Variants in DIS3L2 observed in about 807,000 individuals in gnomAD.
The protein encoded by DIS3L2 is DIS3 like 3'-5' exoribonuclease 2.
DIS3L2 carries 34 observed loss-of-function variants against 97.5 expected under a neutral mutation model. The ratio of observed to expected loss-of-function variants is 0.35; its 90% CI spans 0.27 to 0.46. The LOEUF (loss-of-function observed/expected upper bound fraction) is 0.46, where lower values mean the gene tolerates loss of function less well. DIS3L2 is among the 20% of genes least tolerant of loss of function. The pLI, the probability that DIS3L2 is intolerant of heterozygous loss-of-function variation, is 1.00. For missense variants in DIS3L2, 1,038 were observed against 1,146.0 expected, an observed-to-expected ratio of 0.91 and a Z score of 1.36; for synonymous variants, 435 against 445.2, an observed-to-expected ratio of 0.98 and a Z score of 0.29.
intron 9 of DIS3L2, among the ~76,000 whole-genome samples, chr2:232,188,920 A>C (rs1228062315): frequency 3.3e-5 from 5 of 152,268 alleles, no homozygotes; most frequent in Non-Finnish European, 7.3e-5. Flanking sequence ...GACAGAAGAC[A>C]TACACTGAAG....
chr2:232,267,048 C>T (rs1381523228), intron 13 of DIS3L2, among the ~76,000 whole-genome samples: 1 of 152,134 alleles, frequency 6.6e-6, no homozygotes, highest in African/African-American at 2.4e-5. Context: ...GAAGTCATAG[C>T]CTCAGAACTG....
intron 1 of DIS3L2, among the ~76,000 whole-genome samples, chr2:231,964,095 C>G (rs573718522): frequency 6.6e-6 from 1 of 152,272 alleles, no homozygotes; most frequent in Middle Eastern, 3.4e-3. Context: ...CTGCATGTGG[C>G]TAGTTAGTTA....
At chr2:232,158,895 T>C (rs1690574259) in intron 8 of DIS3L2, among the ~76,000 whole-genome samples, 1 of 152,204 alleles carries the variant, frequency 6.6e-6, no homozygotes, top group African/African-American at 2.4e-5. Flanking sequence ...CAGAATAAAG[T>C]TGTCTTTAAC....
intron 14 of DIS3L2, among the ~76,000 whole-genome samples, chr2:232,304,055 C>T (rs11683544): frequency 6.6e-6 from 1 of 152,074 alleles, no homozygotes; most frequent in African/African-American, 2.4e-5. Context: ...AGCTCTCCAC[C>T]CTGAATTATT....
chr2:232,104,136 G>T (rs3100591), intron 6 of DIS3L2, among the ~76,000 whole-genome samples: 3 of 152,162 alleles, frequency 2.0e-5, no homozygotes, highest in Non-Finnish European at 2.9e-5. Context: ...TATGGTAAAT[G>T]TGAGATGGTC....
At chr2:232,211,611 C>A (rs915418725) in intron 10 of DIS3L2, among the ~76,000 whole-genome samples, 1 of 152,196 alleles carries the variant, frequency 6.6e-6, no homozygotes, top group African/African-American at 2.4e-5. Flanking sequence ...GGACATCCAC[C>A]CTTGCAGTTT....
intron 7 of DIS3L2, among the ~76,000 whole-genome samples, chr2:232,134,851 G>A (rs147997314): frequency 4.6e-4 from 70 of 151,980 alleles, no homozygotes; most frequent in African/African-American, 1.5e-3. Flanking sequence ...GTGTGCATGT[G>A]GTATTGGTAT....
intron 9 of DIS3L2, among the ~76,000 whole-genome samples, chr2:232,200,780 GTTTTTTT>G (rs1183177130): frequency 2.4e-5 from 3 of 124,772 alleles, no homozygotes. Context: ...TGACCAAAAG[GTTTTTTT>G]TTTTTTTTTT....
At chr2:232,336,036 G>A (rs987190787) in intron 20 of DIS3L2, 162 bp downstream of exon 20, 110 of 1,525,430 alleles carry the variant, frequency 7.2e-5, no homozygotes, top group Middle Eastern at 6.6e-4. Context: ...ACCCCCTCCT[G>A]TGGGTCCTGC....
intron 16 of DIS3L2, among the ~76,000 whole-genome samples, chr2:232,333,227 GCCT>G (rs1170491432): frequency 0.025 from 594 of 24,082 alleles, 16 homozygotes; most frequent in East Asian, 0.15. Context: ...CTCCGCTGTC[GCCT>G]CCTCCTCCTC....
At chr2:232,283,473 T>G (rs537293682) in intron 13 of DIS3L2, among the ~76,000 whole-genome samples, 99 of 152,292 alleles carry the variant, frequency 6.5e-4, no homozygotes, top group African/African-American at 2.3e-3. Context: ...CCCAGGCTGG[T>G]CTCCAACTCC....
intron 6 of DIS3L2, among the ~76,000 whole-genome samples, chr2:232,094,841 G>A (rs1696957500): frequency 6.6e-6 from 1 of 151,814 alleles, no homozygotes; most frequent in Non-Finnish European, 1.5e-5. Context: ...TCCGGTGTTG[G>A]GTGCATATAT....
chr2:231,975,754 A>C (rs1193643169), intron 1 of DIS3L2, among the ~76,000 whole-genome samples: 5 of 150,016 alleles, frequency 3.3e-5, no homozygotes, highest in Non-Finnish European at 7.4e-5. Context: ...ACCAGAAGTT[A>C]GAAGAAGGAA....
chr2:232,287,890 A>G (rs940906446), intron 13 of DIS3L2, among the ~76,000 whole-genome samples: 2 of 152,200 alleles, frequency 1.3e-5, no homozygotes, highest in African/African-American at 4.8e-5. Context: ...CTAAGACACA[A>G]CTAATTATCT....
At chr2:232,306,202 G>A (rs6437057) in intron 14 of DIS3L2, among the ~76,000 whole-genome samples, 24,157 of 152,014 alleles carry the variant, frequency 0.16, 3,143 homozygotes, top group African/African-American at 0.36. Context: ...CATAGGAGAT[G>A]CCTCTGGTCT....
At chr2:232,342,770 CAT>C (rs1696140223) in intron 13 of DIS3L2, among the ~76,000 whole-genome samples, 1 of 152,206 alleles carries the variant, frequency 6.6e-6, no homozygotes, top group Non-Finnish European at 1.5e-5. Context: ...CCTCTAGGCT[CAT>C]GTGTGAGCCC....
intron 6 of DIS3L2, among the ~76,000 whole-genome samples, chr2:232,114,116 C>T (rs1202609910): frequency 6.6e-6 from 1 of 152,140 alleles, no homozygotes; most frequent in Non-Finnish European, 1.5e-5. Flanking sequence ...TCTTGACTCA[C>T]TATTCCCTTA....
intron 10 of DIS3L2, among the ~76,000 whole-genome samples, chr2:232,219,274 TCCTTGGATATCTCTACTTCCTGAGTA>T (rs1692430407): frequency 1.3e-5 from 2 of 152,224 alleles, no homozygotes; most frequent in Admixed American, 1.3e-4. Context: ...AGCAGGGTGT[TCCTTGGATATCTCTACTTCCTGAGTA>T]CCTTGGATAT....
intron 10 of DIS3L2, 40 bp downstream of exon 10, chr2:232,210,445 G>T (rs1412732147): frequency 9.0e-6 from 14 of 1,562,290 alleles, no homozygotes; most frequent in African/African-American, 1.4e-5. Flanking sequence ...GTAGCAGGCA[G>T]TCTGCATGCC....
Sources: allele counts gnomAD v4.1 joint callset (sites outside exome capture counted in the v4.1 genomes callset), GRCh38; gene constraint gnomAD v4.1.1; transcripts MANE v1.5; gene names NCBI Gene and HGNC (gene_info 2026-07-23, HGNC 2026-07-21).